RPS6KC1: variants seen among roughly 807,000 people sequenced by gnomAD.
RPS6KC1 encodes the protein inactive ribosomal protein S6 kinase delta-1.
Under a neutral mutation model 103.8 loss-of-function variants are expected in RPS6KC1, and 54 were observed. The ratio of observed to expected loss-of-function variants is 0.52; its 90% CI spans 0.42 to 0.65. RPS6KC1 has a LOEUF of 0.65. RPS6KC1 is among the 30% of genes least tolerant of loss of function. The pLI is 0.00. For synonymous variants in RPS6KC1, 439 were observed against 438.7 expected, an observed-to-expected ratio of 1.00 and a Z score of -0.01; for missense variants, 1,151 against 1,253.8, an observed-to-expected ratio of 0.92 and a Z score of 1.24.
the RPS6KC1 span, among the ~76,000 whole-genome samples, chr1:213,590,707 G>A: frequency 2.0e-5 from 3 of 152,116 alleles, no homozygotes; most frequent in Admixed American, 6.5e-5. Context: ...TCTCATCAGC[G>A]GAGGCCATTT....
chr1:213,367,150 T>C, the RPS6KC1 span, among the ~76,000 whole-genome samples: 7 of 152,230 alleles, frequency 4.6e-5, no homozygotes, highest in Admixed American at 1.3e-4. Context: ...CAATATTTCA[T>C]GCATGTTCTA....
At chr1:213,173,079 C>T (rs1379218778) in intron 7 of RPS6KC1, among the ~76,000 whole-genome samples, 1 of 151,946 alleles carries the variant, frequency 6.6e-6, no homozygotes, top group South Asian at 2.1e-4. Flanking sequence ...GTTTTCTCAT[C>T]TAAAAAAAAA....
the RPS6KC1 span, among the ~76,000 whole-genome samples, chr1:213,538,856 A>G: frequency 6.6e-6 from 1 of 152,242 alleles, no homozygotes; most frequent in Non-Finnish European, 1.5e-5. Context: ...AAGGAAATAA[A>G]CAGGGTTCTG....
intron 6 of RPS6KC1, among the ~76,000 whole-genome samples, chr1:213,147,333 A>T (rs2087995846): frequency 6.6e-6 from 1 of 152,188 alleles, no homozygotes; most frequent in Admixed American, 6.5e-5. Context: ...TTGAGTTCTT[A>T]GACTTTAAGT....
chr1:213,346,782 CTTCT>C, the RPS6KC1 span, among the ~76,000 whole-genome samples: 3 of 152,216 alleles, frequency 2.0e-5, no homozygotes, highest in East Asian at 5.8e-4. Context: ...AACTCTTATG[CTTCT>C]TTCTTATGAA....
Position 213,195,408 on chromosome 1 carries a change from A to C in RPS6KC1, c.1044+18916A>C, listed in dbSNP as rs1042125918. Among the ~76,000 whole-genome samples, 8 of 152,110 alleles carry C rather than the reference A, an allele frequency of 5.3e-5. No individual in the cohort carries two copies. In the South Asian group the frequency reaches 1.7e-3, roughly 32 times the overall value. On this transcript the variant is annotated intron_variant, in intron 8 of 14. Transcript: ENST00000366960. ...TTTGCAACTTTCTAGTGACTCTACA[A>C]TTATTTCTGAAATAAAAAGTTTTAA...
chr1:213,750,728 C>T, the RPS6KC1 span, among the ~76,000 whole-genome samples: 6 of 152,250 alleles, frequency 3.9e-5, no homozygotes, highest in Admixed American at 6.5e-5. Context: ...CTAGGGTTCA[C>T]GAGTGAGTAG....
intron 6 of RPS6KC1, among the ~76,000 whole-genome samples, chr1:213,131,437 T>G (rs1284605568): frequency 1.7e-5 from 2 of 116,786 alleles, no homozygotes; most frequent in Admixed American, 8.3e-5. Context: ...TCAAATGGTT[T>G]TATAATGTTA....
At chr1:213,474,265 G>A in the RPS6KC1 span, among the ~76,000 whole-genome samples, 1 of 152,172 alleles carries the variant, frequency 6.6e-6, no homozygotes, top group African/African-American at 2.4e-5. Context: ...CCGGATCCCA[G>A]TTCCCAAGCA....
the RPS6KC1 span, among the ~76,000 whole-genome samples, chr1:213,824,494 C>A: frequency 5.3e-5 from 8 of 152,298 alleles, no homozygotes; most frequent in Admixed American, 2.6e-4. Flanking sequence ...CTGCTAAGGA[C>A]AAGGAACCCT....
chr1:213,519,608 C>T, the RPS6KC1 span, among the ~76,000 whole-genome samples: 2 of 152,150 alleles, frequency 1.3e-5, no homozygotes, highest in African/African-American at 4.8e-5. Flanking sequence ...ATTTTCACAG[C>T]CATAGCAGCT....
chr1:213,820,443 T>C, the RPS6KC1 span: 1 of 152,196 alleles, frequency 6.6e-6, no homozygotes, highest in Non-Finnish European at 1.5e-5. Context: ...ACTCCACATA[T>C]ACACACACTT....
intron 6 of RPS6KC1, among the ~76,000 whole-genome samples, chr1:213,134,713 A>G (rs1028302195): frequency 2.0e-5 from 3 of 152,124 alleles, no homozygotes; most frequent in African/African-American, 7.2e-5. Context: ...CCAAAGGATA[A>G]AGTTTTTGGC....
the RPS6KC1 span, among the ~76,000 whole-genome samples, chr1:213,480,171 T>C: frequency 6.6e-6 from 1 of 152,058 alleles, no homozygotes; most frequent in African/African-American, 2.4e-5. Context: ...TGGAATTACA[T>C]TGAATTTAAA....
the RPS6KC1 span, among the ~76,000 whole-genome samples, chr1:213,782,249 T>C: frequency 3.2e-4 from 49 of 152,304 alleles, 4 homozygotes; most frequent in South Asian, 8.3e-3. Context: ...CACTGATTAT[T>C]AGCACCTCAA....
intron 3 of RPS6KC1, among the ~76,000 whole-genome samples, chr1:213,102,460 G>A (rs115735618): frequency 0.019 from 2,893 of 152,208 alleles, 94 homozygotes; most frequent in African/African-American, 0.064. Flanking sequence ...AGGGAGAGAG[G>A]TTGTATGTCA....
chr1:213,452,023 A>T, the RPS6KC1 span, among the ~76,000 whole-genome samples: 1 of 152,252 alleles, frequency 6.6e-6, no homozygotes, highest in Non-Finnish European at 1.5e-5. Context: ...CCAACAGAAC[A>T]GCTGCAAAAT....
In RPS6KC1 at chr1:213,262,448, T is replaced by G. The variant is rs527482334; in HGVS notation, c.2995-273T>G. Among the ~76,000 whole-genome samples the G allele has an allele frequency of 5.3e-5, 8 of 152,328 alleles. No individual in the cohort carries two copies. The East Asian group carries it at 1.3e-3, about 26-fold the overall frequency. ...TAGTTTTGCGTATAATTTAAGCTTT[T>G]CTATAATATTCTGAGCCATTAATTT... is the stretch of plus-strand genomic sequence containing the variant. On this transcript the variant is annotated intron_variant, in intron 13 of 14. Transcript: ENST00000366960.
chr1:213,310,777 A>G, the RPS6KC1 span, among the ~76,000 whole-genome samples: 1 of 152,214 alleles, frequency 6.6e-6, no homozygotes, highest in African/African-American at 2.4e-5. Flanking sequence ...AAATTTTGTT[A>G]TGTATATTGG....
Sources: allele counts gnomAD v4.1 joint callset (sites outside exome capture counted in the v4.1 genomes callset), GRCh38; gene constraint gnomAD v4.1.1; transcripts MANE v1.5; gene names NCBI Gene and HGNC (gene_info 2026-07-23, HGNC 2026-07-21).